LRRC4C: variants seen among roughly 807,000 people sequenced by gnomAD.
LRRC4C encodes the protein leucine-rich repeat-containing protein 4C.
LRRC4C carries 5 observed loss-of-function variants against 33.6 expected under a neutral mutation model. The ratio of observed to expected loss-of-function variants is 0.15; its 90% CI spans 0.08 to 0.31. The LOEUF (loss-of-function observed/expected upper bound fraction) is 0.31. LRRC4C is among the 10% of genes least tolerant of loss of function. The probability of loss-of-function intolerance (pLI) is 1.00; values close to 1 mark genes in which losing one functional copy is unlikely to be tolerated. For missense variants in LRRC4C, 560 were observed against 796.7 expected (o/e 0.70, Z 3.58); for synonymous variants, 329 against 302.0 (o/e 1.09, Z -0.93).
At chr11:41,448,547 C>T (rs1334272506) in intron 1 of LRRC4C, among the ~76,000 whole-genome samples, 1 of 152,024 alleles carries the variant, frequency 6.6e-6, no homozygotes, top group Non-Finnish European at 1.5e-5. Flanking sequence ...CTCAGGTGAT[C>T]CATGTGCCTC....
At chr11:40,293,686 T>C (rs1944357548) in intron 4 of LRRC4C, 1 of 152,184 alleles carries the variant, frequency 6.6e-6, no homozygotes, top group Non-Finnish European at 1.5e-5. Flanking sequence ...TCGCTGGCTC[T>C]TCTCATCCTT....
chr11:40,490,298 A>T (rs974117031), intron 3 of LRRC4C, among the ~76,000 whole-genome samples: 8 of 152,148 alleles, frequency 5.3e-5, no homozygotes. Context: ...TAAAGCACTC[A>T]TCTGCCTTTT....
At chr11:40,792,861 A>G (rs1315417678) in intron 2 of LRRC4C, among the ~76,000 whole-genome samples, 7 of 152,040 alleles carry the variant, frequency 4.6e-5, no homozygotes, top group Non-Finnish European at 1.0e-4. Flanking sequence ...GCTGGAAACC[A>G]TCATTCTCAG....
At chr11:40,636,029 A>G (rs1019008610) in intron 3 of LRRC4C, among the ~76,000 whole-genome samples, 9 of 152,274 alleles carry the variant, frequency 5.9e-5, no homozygotes, top group Admixed American at 4.6e-4. Flanking sequence ...CATAAAAAGG[A>G]GGGCACGATC....
intron 5 of LRRC4C, among the ~76,000 whole-genome samples, chr11:40,213,361 G>T (rs1243594975): frequency 2.0e-5 from 3 of 152,076 alleles, no homozygotes; most frequent in Non-Finnish European, 4.4e-5. Context: ...GCACCCGTAG[G>T]GATATGTTGT....
At position 40,317,913 on chromosome 11, in the gene LRRC4C, A is replaced by C. The variant is rs553938673; in HGVS notation, c.-176+1715T>G. On this transcript the variant is annotated intron_variant, in intron 4 of 6. Transcript: ENST00000528697. ...GCAGCAACCTGGTAGCAAGGAGTAG[A>C]CTCTTCCTTTCAAAGTGAACACAGG... Among the ~76,000 whole-genome samples, 142 of 151,984 alleles carry C rather than the reference A, an allele frequency of 9.3e-4. 1 individual carries two copies. Among genetic ancestry groups the C allele is most frequent in the Non-Finnish European group, 1.5e-3 (103 of 67,956 alleles).
At chr11:40,385,020 G>T (rs571949492) in intron 3 of LRRC4C, among the ~76,000 whole-genome samples, 1 of 151,284 alleles carries the variant, frequency 6.6e-6, no homozygotes, top group African/African-American at 2.4e-5. Context: ...CCAAAAATTG[G>T]CATAACAATA....
intron 5 of LRRC4C, among the ~76,000 whole-genome samples, chr11:40,210,107 T>G (rs1018182345): frequency 6.6e-6 from 1 of 152,132 alleles, no homozygotes; most frequent in South Asian, 2.1e-4. Context: ...TCAAGATTTA[T>G]TTGTGTATAA....
chr11:41,186,019 T>C (rs1052308566), intron 1 of LRRC4C, among the ~76,000 whole-genome samples: 1 of 152,142 alleles, frequency 6.6e-6, no homozygotes, highest in South Asian at 2.1e-4. Context: ...GAGAGGTAAA[T>C]ATAGTAAATA....
At chr11:40,890,190 T>G (rs2136101056) in intron 2 of LRRC4C, among the ~76,000 whole-genome samples, 1 of 152,306 alleles carries the variant, frequency 6.6e-6, no homozygotes, top group South Asian at 2.1e-4. Flanking sequence ...CATTCTGTGT[T>G]GCTATAACAG....
chr11:40,465,382 T>C (rs893891075), intron 3 of LRRC4C, among the ~76,000 whole-genome samples: 3 of 152,024 alleles, frequency 2.0e-5, no homozygotes, highest in African/African-American at 7.2e-5. Flanking sequence ...GAGAAAATTC[T>C]TCTGGACATA....
chr11:40,848,196 A>T (rs1953290364), intron 2 of LRRC4C, among the ~76,000 whole-genome samples: 1 of 150,270 alleles, frequency 6.7e-6, no homozygotes, highest in Admixed American at 6.6e-5. Flanking sequence ...CTAGGTTTTG[A>T]ATTTGTTTGC....
At chr11:40,246,629 C>G (rs774104933) in intron 4 of LRRC4C, among the ~76,000 whole-genome samples, 2 of 152,064 alleles carry the variant, frequency 1.3e-5, no homozygotes, top group Non-Finnish European at 2.9e-5. Flanking sequence ...TAAAAGAAAA[C>G]TGAAATATAT....
intron 2 of LRRC4C, among the ~76,000 whole-genome samples, chr11:40,920,482 A>G (rs1957126385): frequency 6.6e-6 from 1 of 152,154 alleles, no homozygotes; most frequent in Non-Finnish European, 1.5e-5. Context: ...ACTCCCTTAC[A>G]TATTGGTTAA....
chr11:40,270,745 C>A (rs1299671145), intron 4 of LRRC4C, among the ~76,000 whole-genome samples: 1 of 152,100 alleles, frequency 6.6e-6, no homozygotes. Flanking sequence ...TTGCTCCTTG[C>A]ACAGTTCATT....
intron 2 of LRRC4C, among the ~76,000 whole-genome samples, chr11:40,660,061 A>G (rs1943351961): frequency 6.6e-6 from 1 of 152,162 alleles, no homozygotes; most frequent in Admixed American, 6.5e-5. Flanking sequence ...TTGTGTTTCC[A>G]AGCTTCTGAG....
At chr11:41,019,505 G>C (rs932815181) in intron 1 of LRRC4C, among the ~76,000 whole-genome samples, 3 of 152,088 alleles carry the variant, frequency 2.0e-5, no homozygotes, top group African/African-American at 7.2e-5. Flanking sequence ...CTGTAGAGTA[G>C]AATGATTTAT....
At chr11:41,200,207 ATTG>A (rs1408955208) in intron 1 of LRRC4C, among the ~76,000 whole-genome samples, 4 of 152,138 alleles carry the variant, frequency 2.6e-5, no homozygotes, top group African/African-American at 7.2e-5. Context: ...GGTCTTGTTT[ATTG>A]TTGTATTTTT....
At chr11:40,585,261 T>C (rs1328687248) in intron 3 of LRRC4C, among the ~76,000 whole-genome samples, 1 of 152,154 alleles carries the variant, frequency 6.6e-6, no homozygotes, top group Non-Finnish European at 1.5e-5. Flanking sequence ...GAAGACTAGA[T>C]AGCTTCCTCT....
Sources: allele counts gnomAD v4.1 joint callset (sites outside exome capture counted in the v4.1 genomes callset), GRCh38; gene constraint gnomAD v4.1.1; transcripts MANE v1.5; gene names NCBI Gene and HGNC (gene_info 2026-07-23, HGNC 2026-07-21).